Variants in SWAP70 observed in about 807,000 individuals in gnomAD.
SWAP70 encodes switch-associated protein 70.
Under a neutral mutation model 80.2 loss-of-function variants are expected in SWAP70, and 34 were observed. The ratio of observed to expected loss-of-function variants is 0.42; its 90% CI spans 0.32 to 0.56. The LOEUF (loss-of-function observed/expected upper bound fraction) is 0.56, where lower values mean the gene tolerates loss of function less well. Ranked by LOEUF, SWAP70 falls within the 20% of genes least tolerant of loss-of-function variation. The probability of loss-of-function intolerance (pLI) is 0.09; values close to 1 mark genes in which losing one functional copy is unlikely to be tolerated. For synonymous variants in SWAP70, 239 were observed against 238.5 expected (o/e 1.00, Z -0.02); for missense variants, 578 against 690.7 (o/e 0.84, Z 1.83).
intron 1 of SWAP70, among the ~76,000 whole-genome samples, chr11:9,688,622 T>A (rs936153485): frequency 1.3e-5 from 2 of 152,162 alleles, no homozygotes; most frequent in Non-Finnish European, 2.9e-5. Flanking sequence ...TTTACTTCTG[T>A]AGTCTTCTGA....
At chr11:9,678,229 G>A (rs913722239) in intron 1 of SWAP70, among the ~76,000 whole-genome samples, 2 of 152,172 alleles carry the variant, frequency 1.3e-5, no homozygotes, top group Non-Finnish European at 2.9e-5. Flanking sequence ...TGGGGTTGGG[G>A]ATCAGAGTCT....
intron 7 of SWAP70, among the ~76,000 whole-genome samples, chr11:9,734,621 C>A (rs540063362): frequency 6.6e-6 from 1 of 152,066 alleles, no homozygotes. Flanking sequence ...TAGAAAAAAA[C>A]AGCTTAGATG....
At chr11:9,700,697 G>T (rs191762144) in intron 2 of SWAP70, among the ~76,000 whole-genome samples, 48 of 152,302 alleles carry the variant, frequency 3.2e-4, no homozygotes, top group Non-Finnish European at 5.9e-4. Flanking sequence ...ACTATTGAAG[G>T]ATTATTTGCT....
At chr11:9,711,942 C>T (rs1851004168) in intron 2 of SWAP70, among the ~76,000 whole-genome samples, 1 of 152,194 alleles carries the variant, frequency 6.6e-6, no homozygotes, top group South Asian at 2.1e-4. Flanking sequence ...ACTCACAGTT[C>T]TTCCAAACTA....
At chr11:9,672,902 A>AT (rs1176916544) in intron 1 of SWAP70, among the ~76,000 whole-genome samples, 1 of 152,208 alleles carries the variant, frequency 6.6e-6, no homozygotes, top group African/African-American at 2.4e-5. Flanking sequence ...ATTAGATATC[A>AT]TTTTAATAGT....
rs147789282 is a variant in SWAP70 at position 9,747,941 on chromosome 11, C to A, written c.1439C>A (p.Ala480Glu). The change falls in exon 10 of 12, where the codon GCG (alanine) becomes GAG (glutamate). Residue 480 changes from alanine (A) to glutamate (E), a missense_variant. By Grantham distance (107) the Ala-to-Glu change is moderately radical. Coordinates refer to ENST00000318950, the MANE Select transcript of SWAP70 (RefSeq NM_015055.4). Reference sequence around the variant, plus strand: ...CAGCAGGCCATTCAGACAACCGAGGCGGAGAAGCAGGAGTTGGAGAATCAG... The same window carrying A: ...CAGCAGGCCATTCAGACAACCGAGGAGGAGAAGCAGGAGTTGGAGAATCAG... ...EQQQAIQTTEAEKQELENQRV... is the reference protein window; with the variant it reads ...EQQQAIQTTEEEKQELENQRV... 10 of 1,614,090 alleles carry A rather than the reference C, an allele frequency of 6.2e-6. No homozygotes were observed. The highest frequency in any genetic ancestry group is 8.5e-6 in the Non-Finnish European group (10 of 1,180,018).
At chr11:9,671,033 G>A (rs935387943) in intron 1 of SWAP70, among the ~76,000 whole-genome samples, 7 of 147,532 alleles carry the variant, frequency 4.7e-5, no homozygotes, top group African/African-American at 1.0e-4. Flanking sequence ...GAGTACAGGC[G>A]TGAGCCACCA....
chr11:9,695,968 T>C (rs1850752336), intron 2 of SWAP70, among the ~76,000 whole-genome samples: 1 of 152,074 alleles, frequency 6.6e-6, no homozygotes, highest in South Asian at 2.1e-4. Context: ...CTCACTTTTG[T>C]ATTTTTTTGT....
At chr11:9,724,938 A>G in intron 4 of SWAP70, 53 bp downstream of exon 4, 5 of 1,254,814 alleles carry the variant, frequency 4.0e-6, no homozygotes, top group Non-Finnish European at 5.7e-6. Flanking sequence ...TGACATTTTA[A>G]AATTAATATT....
intron 2 of SWAP70, among the ~76,000 whole-genome samples, chr11:9,696,875 T>C (rs1407518460): frequency 6.6e-6 from 1 of 152,132 alleles, no homozygotes; most frequent in African/African-American, 2.4e-5. Flanking sequence ...ATTTCAATAA[T>C]GCCTTTCAAA....
At chr11:9,736,039 C>G (rs925853794) in intron 7 of SWAP70, among the ~76,000 whole-genome samples, 2 of 151,968 alleles carry the variant, frequency 1.3e-5, no homozygotes, top group South Asian at 4.2e-4. Context: ...AGGCTGTGTT[C>G]ATTTTTCTTC....
intron 7 of SWAP70, among the ~76,000 whole-genome samples, chr11:9,736,694 T>C (rs1243137358): frequency 6.6e-6 from 1 of 152,132 alleles, no homozygotes; most frequent in Non-Finnish European, 1.5e-5. Context: ...TTCTCTGATC[T>C]CTCATTTAAG....
chr11:9,736,400 A>C (rs1173062675), intron 7 of SWAP70, among the ~76,000 whole-genome samples: 1 of 137,850 alleles, frequency 7.3e-6, no homozygotes, highest in African/African-American at 3.2e-5. Context: ...TATATGGGCC[A>C]TACTTTCCTT....
At chr11:9,677,949 G>A (rs1850521485) in intron 1 of SWAP70, among the ~76,000 whole-genome samples, 2 of 152,012 alleles carry the variant, frequency 1.3e-5, no homozygotes, top group African/African-American at 4.8e-5. Context: ...ATCATACCAT[G>A]TTTTCTGTTC....
chr11:9,738,965 A>G (rs906237553), intron 8 of SWAP70, among the ~76,000 whole-genome samples: 3 of 152,216 alleles, frequency 2.0e-5, no homozygotes, highest in African/African-American at 7.2e-5. Flanking sequence ...TTCTGGTATA[A>G]TTATTAATAA....
intron 9 of SWAP70, among the ~76,000 whole-genome samples, chr11:9,743,072 C>T: frequency 7.4e-6 from 1 of 135,986 alleles, no homozygotes; most frequent in Non-Finnish European, 1.6e-5. Context: ...ACAACAGGCC[C>T]CGGTGTGTGA....
chr11:9,664,360 G>T (rs919875873), intron 1 of SWAP70, 82 bp downstream of exon 1: 32 of 1,448,928 alleles, frequency 2.2e-5, no homozygotes, highest in Non-Finnish European at 2.6e-5. Context: ...GGGACCTGGC[G>T]GGCCGTGACC....
At chr11:9,721,266 A>C (rs1325403180) in intron 3 of SWAP70, among the ~76,000 whole-genome samples, 2 of 152,158 alleles carry the variant, frequency 1.3e-5, no homozygotes, top group East Asian at 1.9e-4. Flanking sequence ...AATACCTGAT[A>C]ATATCTGATA....
intron 1 of SWAP70, among the ~76,000 whole-genome samples, chr11:9,666,786 G>A (rs1850312457): frequency 6.9e-6 from 1 of 145,146 alleles, no homozygotes; most frequent in Non-Finnish European, 1.5e-5. Context: ...GTGCAGTGGT[G>A]TGATCTCGGC....
Sources: gnomAD v4.1 joint callset for allele counts (sites outside exome capture counted in the v4.1 genomes callset) on GRCh38, gnomAD v4.1.1 for gene constraint, MANE v1.5 for transcripts, NCBI Gene and HGNC (gene_info 2026-07-23, HGNC 2026-07-21) for gene names.